Variants in DGKI observed in about 807,000 individuals in gnomAD.
DGKI encodes diacylglycerol kinase iota.
Under a neutral mutation model 147.5 loss-of-function variants are expected in DGKI, and 55 were observed. The observed-to-expected ratio is 0.37, with a 90% confidence interval of 0.30 to 0.47. The LOEUF is 0.47. Ranked by LOEUF, DGKI falls within the 20% of genes least tolerant of loss-of-function variation. The pLI, the probability that DGKI is intolerant of heterozygous loss-of-function variation, is 1.00. For missense variants in DGKI, 1,007 were observed against 1,323.8 expected, an observed-to-expected ratio of 0.76 and a Z score of 3.71; for synonymous variants, 469 against 477.1, an observed-to-expected ratio of 0.98 and a Z score of 0.22.
chr7:137,590,250 AG>A (rs1371610505), intron 12 of DGKI, among the ~76,000 whole-genome samples: 2 of 152,176 alleles, frequency 1.3e-5, no homozygotes, highest in African/African-American at 4.8e-5. Flanking sequence ...GGAAGAGAGG[AG>A]GAAGGAATGT....
chr7:137,541,230 T>C (rs1377212656), intron 20 of DGKI, among the ~76,000 whole-genome samples: 3 of 152,158 alleles, frequency 2.0e-5, no homozygotes, highest in East Asian at 1.9e-4. Context: ...ACTGGATCTG[T>C]GTGTCTGTGT....
At chr7:137,772,924 G>T (rs1212933468) in intron 1 of DGKI, among the ~76,000 whole-genome samples, 1 of 152,198 alleles carries the variant, frequency 6.6e-6, no homozygotes, top group Non-Finnish European at 1.5e-5. Flanking sequence ...CTAGACAATG[G>T]GGGTGGAGAG....
chr7:137,552,365 T>A lies in DGKI; in HGVS notation c.2147+4A>T. The A allele has an allele frequency of 6.2e-7, 1 of 1,612,690 alleles. No homozygotes were observed. The highest frequency in any genetic ancestry group is 8.5e-7 in the Non-Finnish European group (1 of 1,179,972). On this transcript the variant is annotated splice_donor_region_variant and intron_variant, in intron 20 of 32. Coordinates refer to ENST00000614521, the MANE Select transcript of DGKI (RefSeq NM_001321708.2). The stretch of plus-strand genomic sequence containing the variant: ...TAAGCAAGGTAGGCCATGAGCAGAC[T>A]CACTCATTGAGTAAAGGCATGGATG...
At chr7:137,625,594 T>C (rs148251216) in intron 6 of DGKI, among the ~76,000 whole-genome samples, 25 of 152,148 alleles carry the variant, frequency 1.6e-4, no homozygotes, top group East Asian at 7.8e-4. Flanking sequence ...GAGAGTCTCA[T>C]TGGGCCTAAA....
chr7:137,648,433 T>C (rs1197785117), intron 5 of DGKI, among the ~76,000 whole-genome samples: 1 of 152,244 alleles, frequency 6.6e-6, no homozygotes, highest in Non-Finnish European at 1.5e-5. Flanking sequence ...TCATTTGCAC[T>C]GCAACACACA....
chr7:137,619,873 G>A lies in DGKI; in HGVS notation c.944C>T (p.Ala315Val). The A allele has an allele frequency of 1.2e-6, 2 of 1,614,014 alleles. No homozygotes were observed. The highest frequency in any genetic ancestry group is 1.7e-6 in the Non-Finnish European group (2 of 1,179,978). Residue 315 changes from alanine to valine, a missense_variant, in exon 8 of 33, where the codon GCT (alanine) becomes GTT (valine). Around this residue, in one of 5 missense-constraint regions of DGKI, gnomAD observed 259 missense variants for 362.5 expected, o/e 0.71. Transcript: ENST00000614521. ...IEEPCSLGAH[A>V]AVIVPPTWII... The stretch of plus-strand genomic sequence containing the variant: ...CCAAGTGGGCGGGACAATAACAGCA[G>A]CATGAGCCCCCAGGGAGCAGGGTTC...
intron 1 of DGKI, among the ~76,000 whole-genome samples, chr7:137,695,573 G>A (rs566152037): frequency 3.1e-4 from 47 of 152,204 alleles, no homozygotes; most frequent in Middle Eastern, 3.4e-3. Context: ...GAACACGTAA[G>A]CTCCATGTCT....
At chr7:137,559,082 T>C (rs1818324826) in intron 19 of DGKI, among the ~76,000 whole-genome samples, 1 of 124,280 alleles carries the variant, frequency 8.0e-6, no homozygotes, top group Admixed American at 7.8e-5. Flanking sequence ...TTTTTTTTTT[T>C]TTTTTTTGAG....
At chr7:137,404,613 A>C (rs760307043) in intron 30 of DGKI, among the ~76,000 whole-genome samples, 1 of 152,206 alleles carries the variant, frequency 6.6e-6, no homozygotes, top group Non-Finnish European at 1.5e-5. Context: ...GAGGCAGGAA[A>C]GGTATAGGAT....
intron 14 of DGKI, among the ~76,000 whole-genome samples, chr7:137,583,528 TTTAAG>T (rs1330920106): frequency 1.3e-5 from 2 of 152,178 alleles, no homozygotes; most frequent in Non-Finnish European, 2.9e-5. Flanking sequence ...TTAGTCTGTT[TTTAAG>T]TTATTTATAT....
chr7:137,436,449 T>C (rs774354184), intron 28 of DGKI, among the ~76,000 whole-genome samples: 10 of 152,106 alleles, frequency 6.6e-5, no homozygotes, highest in Non-Finnish European at 1.3e-4. Context: ...GCAATGCTAT[T>C]GACAGACAGT....
At chr7:137,501,637 A>G (rs537262708) in intron 21 of DGKI, among the ~76,000 whole-genome samples, 1 of 152,342 alleles carries the variant, frequency 6.6e-6, no homozygotes, top group African/African-American at 2.4e-5. Flanking sequence ...AGGGATGTCT[A>G]AAGCAAATTT....
chr7:137,591,574 G>A (rs1040261488), intron 12 of DGKI, among the ~76,000 whole-genome samples: 2 of 152,110 alleles, frequency 1.3e-5, no homozygotes, highest in Non-Finnish European at 2.9e-5. Context: ...CGAGCTGAGC[G>A]GCAGGGAGCT....
chr7:137,691,811 T>TTTGTTTTTTGTTTTTTTG (rs1563152863), intron 1 of DGKI, among the ~76,000 whole-genome samples: 5 of 145,730 alleles, frequency 3.4e-5, no homozygotes, highest in African/African-American at 7.6e-5. Flanking sequence ...TTTTTTTTTT[T>TTTGTTTTTTGTTTTTTTG]TTTTTTTTTT....
At position 137,612,190 on chromosome 7, in the gene DGKI, A is replaced by G. The variant is rs573112366; in HGVS notation, c.994-2581T>C. Among the ~76,000 whole-genome samples the G allele has an allele frequency of 4.0e-5, 6 of 150,720 alleles. No homozygotes were observed. The East Asian group carries it at 1.2e-3, about 30-fold the overall frequency. ...GAAAACAGAGCAGGCAAAGAACTCA[A>G]TTCTTATAGGGAACAGACACACAAA... On this transcript the variant is annotated intron_variant, in intron 8 of 32. Coordinates refer to ENST00000614521, the MANE Select transcript of DGKI (RefSeq NM_001321708.2).
intron 20 of DGKI, chr7:137,545,927 ACT>A (rs1202972534): frequency 1.4e-6 from 1 of 702,430 alleles, no homozygotes; most frequent in African/African-American, 1.7e-5. Flanking sequence ...GGGAGCAGAC[ACT>A]CGCCGCAGGT....
At chr7:137,546,149 G>A (rs1022095649) in intron 20 of DGKI, among the ~76,000 whole-genome samples, 9 of 152,158 alleles carry the variant, frequency 5.9e-5, no homozygotes, top group African/African-American at 2.2e-4. Flanking sequence ...AAAAAAAGCC[G>A]GTGATAGCAA....
rs1251011613 is a variant in DGKI at position 137,390,193 on chromosome 7, C to A, written c.*1027G>T. 6.6e-6 allele frequency: 1 copy of A among 150,412 alleles called. No individual in the cohort carries two copies. Among genetic ancestry groups the A allele is most frequent in the African/African-American group, 2.4e-5 (1 of 40,958 alleles). 9.3% of individuals were successfully genotyped at this position (150,412 alleles called of 1,614,324 possible). ...CTTTTGCTTTTGCTGTTTTTTTTTT[C>A]CAAGTCAATTAGGGTGCTTTCTATT... On this transcript the variant is annotated 3_prime_UTR_variant, in exon 33 of 33. Coordinates refer to ENST00000614521, the MANE Select transcript of DGKI (RefSeq NM_001321708.2).
At chr7:137,442,814 C>T (rs561189925) in intron 28 of DGKI, among the ~76,000 whole-genome samples, 13 of 152,256 alleles carry the variant, frequency 8.5e-5, no homozygotes, top group Admixed American at 5.2e-4. Flanking sequence ...GTTTGCTCTT[C>T]GTTGGAAACT....
Sources: allele counts gnomAD v4.1 joint callset (sites outside exome capture counted in the v4.1 genomes callset), GRCh38; gene constraint gnomAD v4.1.1; regional missense constraint gnomAD v4.1.1; transcripts MANE v1.5; gene names NCBI Gene and HGNC (gene_info 2026-07-23, HGNC 2026-07-21).